Variants in OSBP observed in about 807,000 individuals in gnomAD.
OSBP encodes oxysterol binding protein, also known as oxysterol-binding protein 1.
OSBP carries 32 observed loss-of-function variants against 96.6 expected under a neutral mutation model. The ratio of observed to expected loss-of-function variants is 0.33; its 90% CI spans 0.25 to 0.45. OSBP has a LOEUF of 0.45. Among genes scored for constraint, OSBP ranks in the 20% least tolerant of loss-of-function variants. The pLI, the probability that OSBP is intolerant of heterozygous loss-of-function variation, is 1.00. For synonymous variants in OSBP, 369 were observed against 389.6 expected (o/e 0.95, Z 0.62); for missense variants, 653 against 1,029.7 (o/e 0.63, Z 5.01).
At chr11:59,601,535 T>C (rs868634346) in intron 4 of OSBP, 105 bp downstream of exon 4, 4 of 1,189,564 alleles carry the variant, frequency 3.4e-6, no homozygotes, top group Middle Eastern at 2.0e-4. Flanking sequence ...TCCAATTCCA[T>C]TTCACATGAC....
At chr11:59,580,072 C>A (rs920251368) in intron 11 of OSBP, 102 bp downstream of exon 11, 4 of 807,876 alleles carry the variant, frequency 5.0e-6, no homozygotes, top group Admixed American at 1.9e-5. Context: ...AATGTACACA[C>A]CCCCATACCA....
chr11:59,615,195 G>C, intron 1 of OSBP, 108 bp downstream of exon 1: 1 of 907,876 alleles, frequency 1.1e-6, no homozygotes, highest in Non-Finnish European at 1.7e-6. Flanking sequence ...ACGAAAAGGG[G>C]CCTGGGGCAA....
chr11:59,580,322 C>A lies in OSBP; in HGVS notation c.1783-53G>T, dbSNP rs758483030. The stretch of plus-strand genomic sequence containing the variant: ...TAAGACTGGATAAATTCAATGTCTG[C>A]CAAACCCATGGTTCATAATTCTTTA... On this transcript the variant is annotated intron_variant, in intron 10 of 13. Coordinates refer to ENST00000263847, the MANE Select transcript of OSBP (RefSeq NM_002556.3). The A allele has an allele frequency of 3.1e-4, 332 of 1,083,276 alleles. 1 individual carries two copies. Among genetic ancestry groups the A allele is most frequent in the Non-Finnish European group, 4.4e-4 (308 of 701,502 alleles). 67.1% of individuals were successfully genotyped at this position (1,083,276 alleles called of 1,614,324 possible).
intron 12 of OSBP, 77 bp downstream of exon 12, chr11:59,578,072 C>A: frequency 7.5e-7 from 1 of 1,326,772 alleles, no homozygotes. Flanking sequence ...AGTGAGAGGG[C>A]AGGCAGAAAT....
chr11:59,582,265 G>C (rs1332104048), intron 9 of OSBP, among the ~76,000 whole-genome samples: 2 of 152,178 alleles, frequency 1.3e-5, no homozygotes, highest in African/African-American at 4.8e-5. Flanking sequence ...ACAGGGTTTT[G>C]AGTCACCTGA....
chr11:59,580,305 G>A (rs1860405870), intron 10 of OSBP, 36 bp from the exon 11 acceptor site: 2 of 1,311,434 alleles, frequency 1.5e-6, no homozygotes, highest in Non-Finnish European at 2.2e-6. Context: ...ATTAAGACTG[G>A]ATAAATTCAA....
rs746938825 is a variant in OSBP, at chr11:59,576,756, TG to T, written c.2282-38del. 4 of 1,612,400 alleles carry T rather than the reference TG, an allele frequency of 2.5e-6. No individual in the cohort carries two copies. The African/African-American group carries it at 5.4e-5, about 22-fold the overall frequency. ...AGAGAGGAAAGAAAAAAATTAGTGC[TG>T]GCATTCTCCATGCATCAAGAAAGAA... On this transcript the variant is annotated intron_variant, in intron 13 of 13. Coordinates refer to ENST00000263847, the MANE Select transcript of OSBP (RefSeq NM_002556.3).
chr11:59,611,150 AAAAGAAAGAAAG>A (rs1197469501), intron 1 of OSBP, among the ~76,000 whole-genome samples: 4 of 150,608 alleles, frequency 2.7e-5, no homozygotes, highest in African/African-American at 4.9e-5. Flanking sequence ...AAAAAAAAAA[AAAAGAAAGAAAG>A]AAAGAAAGAA....
intron 10 of OSBP, among the ~76,000 whole-genome samples, chr11:59,580,891 G>C (rs1399877271): frequency 6.6e-6 from 1 of 152,136 alleles, no homozygotes; most frequent in African/African-American, 2.4e-5. Flanking sequence ...CACATCTACT[G>C]TGAGGCCTTT....
chr11:59,576,677 T>C lies in OSBP; in HGVS notation c.2324A>G (p.Lys775Arg). Reference protein sequence around the residue: ...DPYKALWFERKKDPVTKELTH... With the variant: ...DPYKALWFERRKDPVTKELTH... Reference sequence around the variant, plus strand: ...TAACTCCTTGGTAACAGGGTCCTTCTTCCGCTCAAACCACAGTGCCTTATA... The same window carrying C: ...TAACTCCTTGGTAACAGGGTCCTTCCTCCGCTCAAACCACAGTGCCTTATA... Residue 775 changes from lysine (K) to arginine (R), a missense_variant, in exon 14 of 14, where the codon AAG becomes AGG. Around this residue, in one of 6 missense-constraint regions of OSBP, gnomAD observed 169 missense variants for 251.5 expected, o/e 0.67. Transcript: ENST00000263847. 6.2e-7 allele frequency: 1 copy of C among 1,614,164 alleles called. No individual in the cohort carries two copies. Among genetic ancestry groups the C allele is most frequent in the Non-Finnish European group, 8.5e-7 (1 of 1,180,026 alleles).
At chr11:59,577,655 G>T (rs1321307485) in intron 12 of OSBP, among the ~76,000 whole-genome samples, 1 of 152,146 alleles carries the variant, frequency 6.6e-6, no homozygotes, top group East Asian at 1.9e-4. Context: ...ACCATATGTG[G>T]CTAATTTTTG....
At position 59,601,838 on chromosome 11, in the gene OSBP, C is replaced by G. The variant is rs1860728577; in HGVS notation, c.823G>C (p.Ala275Pro). 1 of 1,613,730 alleles carries G rather than the reference C, an allele frequency of 6.2e-7. No homozygotes were observed. Among genetic ancestry groups the G allele is most frequent in the Non-Finnish European group, 8.5e-7 (1 of 1,179,808 alleles). The change falls in exon 4 of 14, where the codon GCC becomes CCC. Residue 275 changes from alanine to proline, a missense_variant and splice_region_variant. Physicochemically the swap from Ala to Pro is conservative, Grantham distance 27. Transcript: ENST00000263847. ...FRITSNAMINACRDFLMLAQT... is the reference protein window; with the variant it reads ...FRITSNAMINPCRDFLMLAQT... ...GCTAACATGAGGAAATCTCTGCAGG[C>G]CTGTATGGAGAAAGCGTTGACTGTG...
intron 1 of OSBP, among the ~76,000 whole-genome samples, chr11:59,614,242 C>T (rs1690354106): frequency 6.6e-6 from 1 of 152,170 alleles, no homozygotes; most frequent in African/African-American, 2.4e-5. Context: ...TTTCAAATCC[C>T]AGCTGCTCAA....
At chr11:59,599,052 A>G (rs541163838) in intron 7 of OSBP, among the ~76,000 whole-genome samples, 8 of 152,348 alleles carry the variant, frequency 5.3e-5, no homozygotes, top group African/African-American at 1.7e-4. Context: ...CTGACACCAT[A>G]GAGTATGGCA....
At chr11:59,578,402 G>A in intron 11 of OSBP, 72 bp from the exon 12 acceptor site, 1 of 1,429,374 alleles carries the variant, frequency 7.0e-7, no homozygotes, top group Admixed American at 1.9e-5. Flanking sequence ...TATACTGGAA[G>A]TCCTAGGATA....
intron 9 of OSBP, 60 bp from the exon 10 acceptor site, chr11:59,581,614 C>A: frequency 3.5e-6 from 3 of 859,652 alleles, no homozygotes; most frequent in Non-Finnish European, 2.0e-6. Flanking sequence ...CACCATGCAG[C>A]CTCAAAACAG....
intron 12 of OSBP, 123 bp downstream of exon 12, chr11:59,578,026 G>T: frequency 1.2e-6 from 1 of 857,506 alleles, no homozygotes; most frequent in Non-Finnish European, 1.8e-6. Flanking sequence ...CTCTCCAAAA[G>T]TCTCAATTTC....
At chr11:59,613,084 C>A (rs140318229) in intron 1 of OSBP, among the ~76,000 whole-genome samples, 130 of 152,222 alleles carry the variant, frequency 8.5e-4, no homozygotes, top group African/African-American at 3.0e-3. Flanking sequence ...CTAAATAATT[C>A]TTGGAGGAAG....
chr11:59,592,515 G>A (rs1209444636), intron 9 of OSBP, among the ~76,000 whole-genome samples: 1 of 152,202 alleles, frequency 6.6e-6, no homozygotes, highest in Non-Finnish European at 1.5e-5. Context: ...AGCTCAGGGA[G>A]TTATGGTAAG....
Sources: gnomAD v4.1 joint callset for allele counts (sites outside exome capture counted in the v4.1 genomes callset) on GRCh38, gnomAD v4.1.1 for gene constraint, gnomAD v4.1.1 regional missense constraint, MANE v1.5 for transcripts, NCBI Gene and HGNC (gene_info 2026-07-23, HGNC 2026-07-21) for gene names.